Variants in RCAN2 observed in about 807,000 individuals in gnomAD.
RCAN2 encodes the protein calcipressin-2.
In RCAN2, 9 loss-of-function variants were observed where a neutral mutation model predicts 23.6. The observed-to-expected ratio is 0.38, with a 90% confidence interval of 0.23 to 0.67. The LOEUF (loss-of-function observed/expected upper bound fraction) is 0.67. RCAN2 is among the 30% of genes least tolerant of loss of function. The probability of loss-of-function intolerance (pLI) is 0.51; values close to 1 mark genes in which losing one functional copy is unlikely to be tolerated. For synonymous variants in RCAN2, 109 were observed against 115.7 expected, an observed-to-expected ratio of 0.94 and a Z score of 0.37; for missense variants, 273 against 302.3, an observed-to-expected ratio of 0.90 and a Z score of 0.72.
chr6:46,446,192 G>A lies in RCAN2; in HGVS notation c.225+10560C>T, dbSNP rs79626576. 3.1e-3 allele frequency among the ~76,000 whole-genome samples: 467 copies of A among 150,568 alleles called. 4 individuals carry two copies. Among genetic ancestry groups the A allele is most frequent in the African/African-American group, 0.01 (413 of 41,114 alleles). On this transcript the variant is annotated intron_variant, in intron 2 of 4. Coordinates refer to ENST00000371374, the MANE Select transcript of RCAN2 (RefSeq NM_001251974.2). The stretch of plus-strand genomic sequence containing the variant: ...AAAAAAAAAAAGAAACATATCACAC[G>A]TAATGAAGTTCCTATAAGGCTAGCA...
chr6:46,319,616 A>G (rs757223042), intron 2 of RCAN2, among the ~76,000 whole-genome samples: 5 of 152,216 alleles, frequency 3.3e-5, no homozygotes, highest in Non-Finnish European at 4.4e-5. Context: ...CTCAGGGAGT[A>G]TCACTTTCAT....
chr6:46,224,344 A>G (rs1562090209), intron 4 of RCAN2, among the ~76,000 whole-genome samples: 2 of 152,190 alleles, frequency 1.3e-5, no homozygotes, highest in Admixed American at 6.5e-5. Context: ...TCCAAAAACA[A>G]TAACTCCCAG....
At chr6:46,381,401 T>G (rs537448922) in intron 2 of RCAN2, among the ~76,000 whole-genome samples, 94 of 152,338 alleles carry the variant, frequency 6.2e-4, no homozygotes, top group Non-Finnish European at 1.2e-3. Context: ...ATTTTGCCAG[T>G]TTCTGAAATC....
At chr6:46,433,589 G>A (rs1427704579) in intron 2 of RCAN2, among the ~76,000 whole-genome samples, 1 of 152,094 alleles carries the variant, frequency 6.6e-6, no homozygotes, top group African/African-American at 2.4e-5. Flanking sequence ...TTACAGTGTT[G>A]GCTTTGAAGT....
intron 2 of RCAN2, among the ~76,000 whole-genome samples, chr6:46,422,393 T>C (rs1403399375): frequency 6.6e-6 from 1 of 152,194 alleles, no homozygotes; most frequent in Non-Finnish European, 1.5e-5. Flanking sequence ...TAAACCTCTT[T>C]TCTTTATCAA....
At chr6:46,290,088 A>T (rs547769291) in intron 2 of RCAN2, among the ~76,000 whole-genome samples, 2 of 152,232 alleles carry the variant, frequency 1.3e-5, no homozygotes, top group Admixed American at 6.5e-5. Context: ...ACTGTGGGGC[A>T]AAGCTACCGA....
intron 2 of RCAN2, among the ~76,000 whole-genome samples, chr6:46,353,492 T>G (rs997179108): frequency 1.3e-5 from 2 of 152,234 alleles, no homozygotes; most frequent in African/African-American, 4.8e-5. Flanking sequence ...TGATGAAAAT[T>G]TTATCCCAGA....
At chr6:46,247,159 T>C (rs1766543782) in intron 3 of RCAN2, among the ~76,000 whole-genome samples, 1 of 152,122 alleles carries the variant, frequency 6.6e-6, no homozygotes, top group Non-Finnish European at 1.5e-5. Flanking sequence ...AAAACACAGA[T>C]TGCTGAGCCC....
intron 2 of RCAN2, among the ~76,000 whole-genome samples, chr6:46,369,311 A>G (rs920639157): frequency 6.6e-6 from 1 of 152,206 alleles, no homozygotes; most frequent in Non-Finnish European, 1.5e-5. Flanking sequence ...TTTTAAAAAA[A>G]TAGGTAATAA....
chr6:46,246,502 T>C (rs1360315147), intron 4 of RCAN2, among the ~76,000 whole-genome samples: 2 of 152,182 alleles, frequency 1.3e-5, no homozygotes, highest in Non-Finnish European at 2.9e-5. Flanking sequence ...AATATCTGCA[T>C]TGCAATCCAG....
chr6:46,373,329 A>G (rs769291506), intron 2 of RCAN2, among the ~76,000 whole-genome samples: 2 of 152,052 alleles, frequency 1.3e-5, no homozygotes, highest in African/African-American at 2.4e-5. Flanking sequence ...CAGTGGCGCA[A>G]TCTTGGCTCA....
At chr6:46,315,347 C>A (rs1454296521) in intron 2 of RCAN2, among the ~76,000 whole-genome samples, 1 of 152,130 alleles carries the variant, frequency 6.6e-6, no homozygotes, top group Non-Finnish European at 1.5e-5. Context: ...ACACACAATA[C>A]AACATCTTGT....
intron 2 of RCAN2, among the ~76,000 whole-genome samples, chr6:46,266,833 A>T (rs182414088): frequency 6.6e-6 from 1 of 152,194 alleles, no homozygotes; most frequent in Non-Finnish European, 1.5e-5. Flanking sequence ...TGCAAAGCAC[A>T]GAGCAGGGGA....
intron 2 of RCAN2, among the ~76,000 whole-genome samples, chr6:46,428,957 T>C (rs1294708776): frequency 6.6e-6 from 1 of 152,238 alleles, no homozygotes; most frequent in Non-Finnish European, 1.5e-5. Flanking sequence ...ATGGCCAATG[T>C]GTCATATCTA....
intron 2 of RCAN2, among the ~76,000 whole-genome samples, chr6:46,350,452 CA>C (rs1764613835): frequency 6.6e-6 from 1 of 152,162 alleles, no homozygotes; most frequent in Admixed American, 6.5e-5. Flanking sequence ...TCTCCTGGGT[CA>C]GGGGCAGGCA....
intron 2 of RCAN2, among the ~76,000 whole-genome samples, chr6:46,315,211 AAC>A (rs1763395029): frequency 6.6e-6 from 1 of 152,152 alleles, no homozygotes; most frequent in African/African-American, 2.4e-5. Flanking sequence ...TTCATTTGTA[AAC>A]ACACATTTTC....
chr6:46,375,716 C>G (rs186635342), intron 2 of RCAN2, among the ~76,000 whole-genome samples: 1 of 152,142 alleles, frequency 6.6e-6, no homozygotes, highest in East Asian at 1.9e-4. Flanking sequence ...CTCTGTCGAA[C>G]GATTCAACTT....
chr6:46,329,038 A>G (rs1763880992), intron 2 of RCAN2, among the ~76,000 whole-genome samples: 1 of 152,052 alleles, frequency 6.6e-6, no homozygotes, highest in African/African-American at 2.4e-5. Flanking sequence ...ACTTCATCTC[A>G]TATCATTCTC....
intron 2 of RCAN2, among the ~76,000 whole-genome samples, chr6:46,293,896 A>C (rs190825645): frequency 4.6e-5 from 7 of 152,312 alleles, no homozygotes; most frequent in African/African-American, 1.7e-4. Context: ...TTTGAGTAGA[A>C]AATAGAGCAT....
Sources: allele counts gnomAD v4.1 joint callset (sites outside exome capture counted in the v4.1 genomes callset), GRCh38; gene constraint gnomAD v4.1.1; transcripts MANE v1.5; gene names NCBI Gene and HGNC (gene_info 2026-07-23, HGNC 2026-07-21).